Variants in FREM3 observed in about 807,000 individuals in gnomAD.
FREM3 encodes FRAS1 related extracellular matrix 3.
A neutral mutation model predicts 129.1 loss-of-function variants in FREM3; 105 were observed. The observed-to-expected ratio is 0.81, with a 90% CI of 0.69 to 0.96. FREM3 has a LOEUF of 0.96. Among genes scored for constraint, FREM3 ranks in the 40% least tolerant of loss-of-function variants. FREM3 has a pLI of 0.00. For synonymous variants in FREM3, 1,014 were observed against 1,044.9 expected, an observed-to-expected ratio of 0.97 and a Z score of 0.57; for missense variants, 2,593 against 2,666.3, an observed-to-expected ratio of 0.97 and a Z score of 0.61.
chr4:143,698,277 A>C lies in FREM3; in HGVS notation c.2399T>G (p.Val800Gly). 1 of 1,537,614 alleles carries C rather than the reference A, an allele frequency of 6.5e-7. No homozygotes were observed. Among genetic ancestry groups the C allele is most frequent in the Non-Finnish European group, 8.7e-7 (1 of 1,147,008 alleles). ...ATCTTCCACCTGGTAAGTAAACTGCACAACCCGTGGTGCAATACCCAATTT... is the reference window on the plus strand; with the variant it reads ...ATCTTCCACCTGGTAAGTAAACTGCCCAACCCGTGGTGCAATACCCAATTT... ...PQKLGIAPRV[V>G]QFTYQVEDAA... Residue 800 changes from valine to glycine, a missense_variant, in exon 1 of 8, where the codon GTG (valine) becomes GGG (glycine). Coordinates refer to ENST00000329798, the MANE Select transcript of FREM3 (RefSeq NM_001168235.2).
chr4:143,691,620 T>C (rs913011113), intron 2 of FREM3, among the ~76,000 whole-genome samples: 2 of 152,340 alleles, frequency 1.3e-5, no homozygotes, highest in African/African-American at 4.8e-5. Context: ...TATTCAACCA[T>C]GGTGTCTTCA....
intron 7 of FREM3, among the ~76,000 whole-genome samples, chr4:143,579,753 C>T (rs6537161): frequency 0.99 from 150,793 of 152,328 alleles, 74,659 homozygotes; most frequent in East Asian, 1. Context: ...TAACAAGTAA[C>T]ACCTTATACA....
chr4:143,659,590 T>C (rs541737476), intron 2 of FREM3, among the ~76,000 whole-genome samples: 125 of 143,390 alleles, frequency 8.7e-4, no homozygotes, highest in African/African-American at 3.3e-3. Context: ...CCTTTGGGTA[T>C]ATACCCAGTA....
chr4:143,655,785 G>A (rs1739589518), intron 2 of FREM3, among the ~76,000 whole-genome samples: 1 of 152,276 alleles, frequency 6.6e-6, no homozygotes, highest in Non-Finnish European at 1.5e-5. Context: ...AAGGGGCAAG[G>A]ACCAGGGGCC....
intron 2 of FREM3, among the ~76,000 whole-genome samples, chr4:143,667,821 A>T (rs944920278): frequency 1.3e-5 from 2 of 152,170 alleles, no homozygotes; most frequent in Non-Finnish European, 2.9e-5. Context: ...TCTCAAAGGG[A>T]ATTCAATTTC....
rs1452991247 is a variant in FREM3 at position 143,696,510 on chromosome 4, T to G, written c.4166A>C (p.His1389Pro). ...EINRGLICYIHTGQEGIVDII... is the reference protein window; with the variant it reads ...EINRGLICYIPTGQEGIVDII... ...GTCAACAATCCCTTCTTGGCCTGTG[T>G]GGATATAGCAGATGAGGCCTCTGTT... Residue 1389 changes from histidine (H) to proline (P), a missense_variant, in exon 1 of 8, where the codon CAC becomes CCC. By Grantham distance (77) the His-to-Pro change is moderately conservative. Coordinates refer to ENST00000329798, the MANE Select transcript of FREM3 (RefSeq NM_001168235.2). The G allele has an allele frequency of 6.5e-7, 1 of 1,537,614 alleles. No individual in the cohort carries two copies. The highest frequency in any genetic ancestry group is 1.2e-5 in the South Asian group (1 of 84,054).
chr4:143,695,021 C>T (rs375040479), intron 1 of FREM3, among the ~76,000 whole-genome samples: 22 of 152,134 alleles, frequency 1.4e-4, no homozygotes, highest in Admixed American at 4.6e-4. Flanking sequence ...TTTTATTAGA[C>T]GTAGAAATTA....
intron 6 of FREM3, among the ~76,000 whole-genome samples, chr4:143,600,995 GC>G (rs1206576650): frequency 7.3e-5 from 11 of 149,850 alleles, no homozygotes; most frequent in African/African-American, 2.7e-4. Flanking sequence ...TTGGGTAATG[GC>G]CTCTAAAATA....
At chr4:143,642,099 G>A (rs987516845) in intron 2 of FREM3, among the ~76,000 whole-genome samples, 16 of 152,116 alleles carry the variant, frequency 1.1e-4, no homozygotes, top group Non-Finnish European at 2.2e-4. Context: ...TACCCCAAAA[G>A]GTGAAAGACC....
At chr4:143,629,512 C>T (rs1739101088) in intron 2 of FREM3, among the ~76,000 whole-genome samples, 1 of 152,072 alleles carries the variant, frequency 6.6e-6, no homozygotes, top group Admixed American at 6.6e-5. Context: ...TGTGGATATT[C>T]TGATAAATAC....
chr4:143,648,427 GA>G (rs1739457403), intron 2 of FREM3, among the ~76,000 whole-genome samples: 1 of 152,178 alleles, frequency 6.6e-6, no homozygotes, highest in South Asian at 2.1e-4. Context: ...GGGATGGAGT[GA>G]AATGGTTTGG....
At chr4:143,599,706 AC>A (rs1432227043) in intron 6 of FREM3, among the ~76,000 whole-genome samples, 1 of 152,164 alleles carries the variant, frequency 6.6e-6, no homozygotes, top group Non-Finnish European at 1.5e-5. Context: ...CTAGGCTAGA[AC>A]AAAAGAATGG....
At chr4:143,688,792 A>G (rs1378854789) in intron 2 of FREM3, among the ~76,000 whole-genome samples, 7 of 152,242 alleles carry the variant, frequency 4.6e-5, no homozygotes, top group African/African-American at 1.7e-4. Context: ...ACCCTTTTCA[A>G]CAAATGGTGC....
At position 143,700,132 on chromosome 4, in the gene FREM3, G is replaced by A. The variant is rs1180116523; in HGVS notation, c.544C>T (p.Arg182Ter). Residue 182 changes from arginine to a stop codon, truncating the protein, a stop_gained, in exon 1 of 8, where the codon CGA becomes TGA. Coordinates refer to ENST00000329798, the MANE Select transcript of FREM3 (RefSeq NM_001168235.2). LOFTEE classifies it high-confidence loss of function. ...CTGTCTATGGCGCGGCTCCAGCTTC[G>A]CAGCTTCTCCACTACCAAAGGCCTG... ...RNRPLVVEKL[R>*]SWSRAIDRRV... is the part of the protein sequence containing the mutation. 3.9e-6 allele frequency: 6 copies of A among 1,537,030 alleles called. No individual in the cohort carries two copies. The Admixed American group carries it at 9.8e-5, about 25-fold the overall frequency.
intron 6 of FREM3, among the ~76,000 whole-genome samples, chr4:143,595,655 A>G (rs1167917870): frequency 3.3e-5 from 5 of 152,266 alleles, no homozygotes; most frequent in Admixed American, 2.6e-4. Context: ...TGGGAGGCCA[A>G]GGTGGGCGGA....
chr4:143,661,740 G>A (rs1043575214), intron 2 of FREM3, among the ~76,000 whole-genome samples: 9 of 152,154 alleles, frequency 5.9e-5, no homozygotes, highest in African/African-American at 2.2e-4. Context: ...TGGTTGGTAA[G>A]CTATTGATTA....
rs1235819350 is a variant in FREM3 at position 143,661,699 on chromosome 4, G to A, written c.5275+31414C>T. 5.9e-5 allele frequency among the ~76,000 whole-genome samples: 9 copies of A among 152,260 alleles called. No individual in the cohort carries two copies. In the East Asian group the frequency reaches 1.7e-3, roughly 29 times the overall value. On this transcript the variant is annotated intron_variant, in intron 2 of 7. Transcript: ENST00000329798. The stretch of plus-strand genomic sequence containing the variant: ...CTTCTTATACCTCTGGTAGAATTCG[G>A]CTGTGAATACATCTGGTCCTGGAGT...
intron 2 of FREM3, among the ~76,000 whole-genome samples, chr4:143,646,471 A>G (rs564653061): frequency 1.3e-5 from 2 of 152,260 alleles, no homozygotes; most frequent in East Asian, 3.9e-4. Flanking sequence ...GGGCAGGACA[A>G]GAGGGAGATA....
rs546138879 is a variant in FREM3, at chr4:143,612,002, T to C, written c.5780-475A>G. On this transcript the variant is annotated intron_variant, in intron 5 of 7. Transcript: ENST00000329798. Reference sequence around the variant, plus strand: ...AACTAGAGTTCTTTGTATGACACCATAATATAGCCAGAAAATTATATCTTA... The same window carrying C: ...AACTAGAGTTCTTTGTATGACACCACAATATAGCCAGAAAATTATATCTTA... Among the ~76,000 whole-genome samples the C allele has an allele frequency of 4.6e-5, 7 of 152,294 alleles. No individual in the cohort carries two copies. The South Asian group carries it at 1.5e-3, about 32-fold the overall frequency.
Sources: allele counts gnomAD v4.1 joint callset (sites outside exome capture counted in the v4.1 genomes callset), GRCh38; gene constraint gnomAD v4.1.1; transcripts MANE v1.5; gene names NCBI Gene and HGNC (gene_info 2026-07-23, HGNC 2026-07-21).